PDLIM3: variants seen among roughly 807,000 people sequenced by gnomAD.
PDLIM3 encodes PDZ and LIM domain 3, also known as PDZ and LIM domain protein 3.
In PDLIM3, 36 loss-of-function variants were observed where a neutral mutation model predicts 37.3. The observed-to-expected ratio is 0.97, with a 90% CI of 0.74 to 1.28. The LOEUF is 1.28. PDLIM3 is among the 50% of genes most tolerant of loss of function. The pLI is 0.00. For missense variants in PDLIM3, 454 were observed against 485.0 expected (o/e 0.94, Z 0.60); for synonymous variants, 174 against 182.4 (o/e 0.95, Z 0.37).
intron 1 of PDLIM3, among the ~76,000 whole-genome samples, chr4:185,525,993 T>C (rs2095733483): frequency 1.3e-5 from 2 of 152,172 alleles, no homozygotes; most frequent in Non-Finnish European, 2.9e-5. Context: ...GGCCAGATAA[T>C]ACACAAAATT....
chr4:185,503,622 T>G (rs1221020352), intron 7 of PDLIM3, among the ~76,000 whole-genome samples: 2 of 152,210 alleles, frequency 1.3e-5, no homozygotes, highest in Admixed American at 6.5e-5. Context: ...CTTGGTTGAC[T>G]TGATCCTGCA....
chr4:185,502,287 C>T lies in PDLIM3; in HGVS notation c.*7G>A. 6.2e-7 allele frequency: 1 copy of T among 1,614,066 alleles called. No homozygotes were observed. Among genetic ancestry groups the T allele is most frequent in the Non-Finnish European group, 8.5e-7 (1 of 1,179,976 alleles). ...GGTGCGTGCGTGCGTGCCACGCCTGCAGAGACTTAAGCTTTGGGATACAGA... is the reference window on the plus strand; with the variant it reads ...GGTGCGTGCGTGCGTGCCACGCCTGTAGAGACTTAAGCTTTGGGATACAGA... On this transcript the variant is annotated 3_prime_UTR_variant, in exon 8 of 8. Transcript: ENST00000284767.
intron 1 of PDLIM3, among the ~76,000 whole-genome samples, chr4:185,533,721 T>C (rs1191094150): frequency 6.6e-6 from 1 of 152,212 alleles, no homozygotes; most frequent in Non-Finnish European, 1.5e-5. Flanking sequence ...GGAATGTAAG[T>C]ACTGCTTTAA....
At chr4:185,505,931 T>C (rs1049735946) in intron 6 of PDLIM3, among the ~76,000 whole-genome samples, 6 of 152,228 alleles carry the variant, frequency 3.9e-5, no homozygotes, top group African/African-American at 1.4e-4. Context: ...TGGAGAAGCC[T>C]AGGTCAGGGC....
chr4:185,522,967 A>G (rs1466136264), intron 3 of PDLIM3, among the ~76,000 whole-genome samples: 1 of 152,256 alleles, frequency 6.6e-6, no homozygotes, highest in Non-Finnish European at 1.5e-5. Flanking sequence ...TGAAATTCAC[A>G]GTAACCGTAG....
At chr4:185,511,281 T>TATGATGAA (rs970018912) in intron 4 of PDLIM3, among the ~76,000 whole-genome samples, 36 of 152,208 alleles carry the variant, frequency 2.4e-4, no homozygotes, top group Non-Finnish European at 7.3e-5. Flanking sequence ...AGGCTTCAGT[T>TATGATGAA]ATGATGAAAT....
chr4:185,524,554 G>C (rs1257674969), intron 2 of PDLIM3, among the ~76,000 whole-genome samples: 3 of 152,186 alleles, frequency 2.0e-5, no homozygotes, highest in African/African-American at 4.8e-5. Flanking sequence ...CTTCTGGGCT[G>C]AATTCTGTAC....
chr4:185,535,362 G>T lies in PDLIM3; in HGVS notation c.73C>A (p.Gln25Lys). The change falls in exon 1 of 8, where the codon CAG becomes AAG. Residue 25 changes from glutamine to lysine, a missense_variant. Coordinates refer to ENST00000284767, the MANE Select transcript of PDLIM3 (RefSeq NM_014476.6). ...CCTACCCTGGTGATGACCAAAGGCT[G>T]GTTGAAGTCTATGCCCCCTGAGAGC... The part of the protein sequence containing the change: ...FRLSGGIDFN[Q>K]PLVITRITPG... 1 of 1,608,866 alleles carries T rather than the reference G, an allele frequency of 6.2e-7. No homozygotes were observed. The highest frequency in any genetic ancestry group is 2.2e-5 in the East Asian group (1 of 44,482).
Position 185,506,474 on chromosome 4 carries a change from G to A in PDLIM3, c.793+48C>T, listed in dbSNP as rs80263118. The A allele has an allele frequency of 1.1e-3, 1,741 of 1,610,714 alleles. 14 individuals are homozygous for A. The African/African-American group carries it at 0.018, about 17-fold the overall frequency. ...TGCTGTCGTCCCCGTCCCGCCCCCT[G>A]CAGTGGCCTCTATCAATACGTTTCA... is the stretch of plus-strand genomic sequence containing the variant. On this transcript the variant is annotated intron_variant, in intron 6 of 7. Coordinates refer to ENST00000284767, the MANE Select transcript of PDLIM3 (RefSeq NM_014476.6).
At position 185,514,556 on chromosome 4, in the gene PDLIM3, G is replaced by C; in HGVS notation, c.331-219C>G. 1 of 1,221,492 alleles carries C rather than the reference G, an allele frequency of 8.2e-7. No homozygotes were observed. Among genetic ancestry groups the C allele is most frequent in the African/African-American group, 1.5e-5 (1 of 65,426 alleles). 75.7% of individuals were successfully genotyped at this position (1,221,492 alleles called of 1,614,324 possible). A position where few individuals can be genotyped will look rare whatever the true frequency, so the allele number is the denominator to read the frequency against. On this transcript the variant is annotated intron_variant, in intron 3 of 7. Coordinates refer to ENST00000284767, the MANE Select transcript of PDLIM3 (RefSeq NM_014476.6). The surrounding 1 kb of genome is among the most constrained non-coding windows in gnomAD (Gnocchi z 4.0). ...TTGGACCCCACAACAATTAGAACAT[G>C]TTTTAGATGCTTGTCTTTAAAAGAG...
chr4:185,525,769 G>C (rs907269305), intron 1 of PDLIM3, among the ~76,000 whole-genome samples: 2 of 152,138 alleles, frequency 1.3e-5, no homozygotes, highest in Admixed American at 6.5e-5. Flanking sequence ...AGGCCTCAGA[G>C]AGAGCTCTCA....
chr4:185,511,754 A>G (rs2095706932), intron 4 of PDLIM3, among the ~76,000 whole-genome samples: 1 of 152,194 alleles, frequency 6.6e-6, no homozygotes, highest in African/African-American at 2.4e-5. Context: ...TATATTTCAA[A>G]ATAACTAGAG....
At chr4:185,518,103 A>G (rs938363864) in intron 3 of PDLIM3, among the ~76,000 whole-genome samples, 1 of 152,252 alleles carries the variant, frequency 6.6e-6, no homozygotes, top group Non-Finnish European at 1.5e-5. Flanking sequence ...TAGGAATTCA[A>G]TATGTAATTA....
At chr4:185,529,346 C>T (rs2095739801) in intron 1 of PDLIM3, among the ~76,000 whole-genome samples, 1 of 152,166 alleles carries the variant, frequency 6.6e-6, no homozygotes, top group South Asian at 2.1e-4. Flanking sequence ...ACTGAAAACA[C>T]AGATAAAGCA....
chr4:185,501,575 T>G lies in PDLIM3; in HGVS notation c.*719A>C, dbSNP rs2095687103. 6.6e-6 allele frequency: 1 copy of G among 152,144 alleles called. No individual in the cohort carries two copies. Among genetic ancestry groups the G allele is most frequent in the Admixed American group, 6.5e-5 (1 of 15,290 alleles). The allele number at this position is 152,144 out of a possible 1,614,324, so 9.4% of individuals were successfully genotyped here. A position where few individuals can be genotyped will look rare whatever the true frequency, so the allele number is the denominator to read the frequency against. On this transcript the variant is annotated 3_prime_UTR_variant, in exon 8 of 8. Coordinates refer to ENST00000284767, the MANE Select transcript of PDLIM3 (RefSeq NM_014476.6). The stretch of plus-strand genomic sequence containing the variant: ...CTGAACTACCTTTAACTAGCAAATT[T>G]CAACGCTTCTATCATCAGAAATTTT...
chr4:185,523,337 G>T (rs1255805950), intron 3 of PDLIM3, 25 bp downstream of exon 3: 16 of 1,475,812 alleles, frequency 1.1e-5, no homozygotes, highest in Non-Finnish European at 1.5e-5. Flanking sequence ...AATACAATGT[G>T]TATCATTTGC....
At chr4:185,505,013 A>ACCCATGAAACAGTAACTCCCC (rs1387618816) in intron 6 of PDLIM3, among the ~76,000 whole-genome samples, 3 of 145,994 alleles carry the variant, frequency 2.1e-5, no homozygotes, top group Non-Finnish European at 4.4e-5. Flanking sequence ...GTAACTCCCC[A>ACCCATGAAACAGTAACTCCCC]CCCATGAAAC....
chr4:185,513,496 C>T (rs1260226430), intron 4 of PDLIM3: 4 of 963,334 alleles, frequency 4.2e-6, no homozygotes, highest in Non-Finnish European at 4.9e-6. Flanking sequence ...TTTAAATGTT[C>T]TGTCTAAAGG....
intron 1 of PDLIM3, among the ~76,000 whole-genome samples, chr4:185,526,550 T>C (rs2095734532): frequency 6.6e-6 from 1 of 152,252 alleles, no homozygotes; most frequent in South Asian, 2.1e-4. Flanking sequence ...TTGTAATTAT[T>C]ACTGTTGAAT....
Sources: gnomAD v4.1 joint callset for allele counts (sites outside exome capture counted in the v4.1 genomes callset) on GRCh38, gnomAD v4.1.1 for gene constraint, Gnocchi (gnomAD v3.1) non-coding constraint, MANE v1.5 for transcripts, NCBI Gene and HGNC (gene_info 2026-07-23, HGNC 2026-07-21) for gene names.